The following SMCO1 variants were observed in gnomAD, a reference collection of about 807,000 sequenced individuals.
SMCO1 encodes single-pass membrane and coiled-coil domain-containing protein 1.
A neutral mutation model predicts 7.5 loss-of-function variants in SMCO1; 9 were observed. The ratio of observed to expected loss-of-function variants is 1.20; its 90% CI spans 0.72 to 2.09. The LOEUF is 2.09. SMCO1 is among the 30% of genes most tolerant of loss of function. SMCO1 has a pLI of 0.00. For synonymous variants in SMCO1, 90 were observed against 93.8 expected (o/e 0.96, Z 0.23); for missense variants, 219 against 253.1 (o/e 0.87, Z 0.91).
chr3:196,510,666 C>A (rs138546449), intron 1 of SMCO1, among the ~76,000 whole-genome samples: 1 of 152,280 alleles, frequency 6.6e-6, no homozygotes. Flanking sequence ...CTTTTTGAAT[C>A]CCCATCTACC....
At chr3:196,520,451 A>G in the SMCO1 span, among the ~76,000 whole-genome samples, 1 of 151,838 alleles carries the variant, frequency 6.6e-6, no homozygotes, top group African/African-American at 2.4e-5. Context: ...CCCCTCATCC[A>G]GAACCCCCTC....
In SMCO1 at chr3:196,508,181, G is replaced by A. The variant is rs757411198; in HGVS notation, c.351C>T (p.Arg117=). 19 of 1,613,948 alleles carry A rather than the reference G, an allele frequency of 1.2e-5. No homozygotes were observed. Among genetic ancestry groups the A allele is most frequent in the Middle Eastern group, 3.3e-4 (2 of 6,084 alleles). ...SVLRRKVKNK[R]VRVVWESILE... is the part of the protein sequence containing the mutation. ...GTATGGACTCCCATACAACTCTAAC[G>A]CGCTTGTTCTTAACTTTTCTTCTGA... The change falls in exon 3 of 3, where the codon CGC becomes CGT. Residue 117 remains arginine (R), a synonymous_variant. Coordinates refer to ENST00000397537, the MANE Select transcript of SMCO1 (RefSeq NM_001077657.3).
Position 196,512,509 on chromosome 3 carries a change from C to CTTT in SMCO1, c.50+2648_50+2650dup, listed in dbSNP as rs36023059. ...TAAGCTTTAAACCTGTATTTCCTTT[C>CTTT]TTTTTTTTTTTTTTTTTTTTTGAGA... On this transcript the variant is annotated intron_variant, in intron 1 of 2. Transcript: ENST00000397537. Among the ~76,000 whole-genome samples, 254 of 114,010 alleles carry CTTT rather than the reference C, an allele frequency of 2.2e-3. 7 individuals carry two copies. The highest frequency in any genetic ancestry group is 7.7e-3 in the African/African-American group (201 of 26,124). The allele number at this position is 114,010 out of a possible 152,430, so 74.8% of individuals were successfully genotyped here.
intron 1 of SMCO1, among the ~76,000 whole-genome samples, chr3:196,514,287 C>T (rs73075040): frequency 0.073 from 11,170 of 152,136 alleles, 1,410 homozygotes; most frequent in African/African-American, 0.26. Flanking sequence ...ACCAATTACA[C>T]GAGACATCTA....
chr3:196,515,404 A>T, upstream of SMCO1: 1 of 572,668 alleles, frequency 1.7e-6, no homozygotes, highest in East Asian at 2.9e-5. Context: ...TATAGTTTCA[A>T]AGAACTTATC....
rs1177245321 is a variant in SMCO1, at chr3:196,507,334, T to G, written c.*553A>C. On this transcript the variant is annotated 3_prime_UTR_variant, in exon 3 of 3. Transcript: ENST00000397537. ...CTGGTCTGAAACCCCTGAGCTCAAG[T>G]GATCCTCCTACCTTGGCCTCCTAAG... 6.6e-6 allele frequency: 1 copy of G among 152,278 alleles called. No individual in the cohort carries two copies. The highest frequency in any genetic ancestry group is 2.4e-5 in the African/African-American group (1 of 41,434). The allele number at this position is 152,278 out of a possible 1,614,324, so 9.4% of individuals were successfully genotyped here.
upstream of SMCO1, among the ~76,000 whole-genome samples, chr3:196,518,059 T>A (rs1733426830): frequency 1.3e-5 from 2 of 152,272 alleles, no homozygotes; most frequent in Non-Finnish European, 2.9e-5. Context: ...TGCTGCTTTT[T>A]CTTTGTTGCC....
intron 1 of SMCO1, 165 bp downstream of exon 1, chr3:196,514,995 C>T (rs969971270): frequency 7.6e-6 from 6 of 786,224 alleles, no homozygotes; most frequent in Non-Finnish European, 1.3e-5. Flanking sequence ...CCACCTCGGC[C>T]TCCCAGTGTG....
chr3:196,509,606 G>A lies in SMCO1; in HGVS notation c.114C>T (p.Asn38=), dbSNP rs1733163143. The change falls in exon 2 of 3, where the codon AAC becomes AAT. Residue 38 remains asparagine, a synonymous_variant. Transcript: ENST00000397537. Reference sequence around the variant, plus strand: ...TATGATGTTCGAATTTCTGCATCAGGTTATCCTTGGTGAAGTCTAGTTCTT... The same window carrying A: ...TATGATGTTCGAATTTCTGCATCAGATTATCCTTGGTGAAGTCTAGTTCTT... ...QFKELDFTKD[N]LMQKFEHHSK... 6.2e-7 allele frequency: 1 copy of A among 1,614,036 alleles called. No homozygotes were observed. The highest frequency in any genetic ancestry group is 8.5e-7 in the Non-Finnish European group (1 of 1,179,956).
chr3:196,518,195 T>C (rs1040864504), upstream of SMCO1, among the ~76,000 whole-genome samples: 1 of 152,226 alleles, frequency 6.6e-6, no homozygotes, highest in African/African-American at 2.4e-5. Context: ...TTTTGTGGGC[T>C]ACGTGAATGC....
At chr3:196,509,924 T>G (rs553528763) in intron 1 of SMCO1, among the ~76,000 whole-genome samples, 3 of 152,290 alleles carry the variant, frequency 2.0e-5, no homozygotes, top group African/African-American at 7.2e-5. Flanking sequence ...AACTTTTGAA[T>G]TGTCTAATTA....
Position 196,509,688 on chromosome 3 carries a change from A to G in SMCO1, c.51-19T>C. 6.2e-7 allele frequency: 1 copy of G among 1,605,392 alleles called. No individual in the cohort carries two copies. On this transcript the variant is annotated intron_variant, in intron 1 of 2. Coordinates refer to ENST00000397537, the MANE Select transcript of SMCO1 (RefSeq NM_001077657.3). ...GTCTACTCTGTAGGATAACAGAATCAAGGGTTAGTTTAGGTTACAGGACAA... is the reference window on the plus strand; with the variant it reads ...GTCTACTCTGTAGGATAACAGAATCGAGGGTTAGTTTAGGTTACAGGACAA...
upstream of SMCO1, among the ~76,000 whole-genome samples, chr3:196,518,008 G>A (rs888018958): frequency 9.9e-5 from 15 of 152,252 alleles, no homozygotes; most frequent in Non-Finnish European, 1.8e-4. Context: ...ATATGTAAAT[G>A]CTGGTGGCTA....
chr3:196,508,936 CAA>C (rs1206381414), intron 2 of SMCO1, among the ~76,000 whole-genome samples: 21 of 40,416 alleles, frequency 5.2e-4, no homozygotes, highest in African/African-American at 1.2e-3. Context: ...GACTCCATCT[CAA>C]AAAAAAAAAA....
At chr3:196,511,241 T>C (rs763971134) in intron 1 of SMCO1, among the ~76,000 whole-genome samples, 22 of 138,608 alleles carry the variant, frequency 1.6e-4, no homozygotes, top group Admixed American at 1.3e-3. Flanking sequence ...ACCTAGATTG[T>C]CCTTATGAGG....
upstream of SMCO1, among the ~76,000 whole-genome samples, chr3:196,516,010 T>TAA (rs1247553480): frequency 9.6e-4 from 90 of 93,556 alleles, 3 homozygotes; most frequent in Non-Finnish European, 9.5e-4. Flanking sequence ...TATATATATA[T>TAA]ATATATATAT....
At chr3:196,515,983 GATAGGAT>G (rs1361178074), upstream of SMCO1, among the ~76,000 whole-genome samples, 4,381 of 81,468 alleles carry the variant, frequency 0.054, 290 homozygotes, top group Middle Eastern at 0.12. Flanking sequence ...CGGGCAAGAG[GATAGGAT>G]ATATATATAT....
rs187409074 is a variant in SMCO1, at chr3:196,511,099, T to A, written c.51-1430A>T. Among the ~76,000 whole-genome samples the A allele has an allele frequency of 1.1e-4, 16 of 144,984 alleles. No homozygotes were observed. In the East Asian group the frequency reaches 2.9e-3, roughly 26 times the overall value. ...GCCTGGGCCACCTAGATTGTCATTA[T>A]GAGGGAAATTTGCCTGGGCCACCTA... On this transcript the variant is annotated intron_variant, in intron 1 of 2. Transcript: ENST00000397537.
chr3:196,515,973 C>T (rs576199351), upstream of SMCO1, among the ~76,000 whole-genome samples: 3 of 70,760 alleles, frequency 4.2e-5, no homozygotes, highest in South Asian at 5.1e-4. Context: ...CACTCCAGCC[C>T]GGGCAAGAGG....
Sources: allele counts gnomAD v4.1 joint callset (sites outside exome capture counted in the v4.1 genomes callset), GRCh38; gene constraint gnomAD v4.1.1; transcripts MANE v1.5; gene names NCBI Gene and HGNC (gene_info 2026-07-23, HGNC 2026-07-21).